The following MAST4 variants were observed in gnomAD, a reference collection of about 807,000 sequenced individuals.
MAST4 encodes the protein microtubule associated serine/threonine kinase family member 4, also known as microtubule-associated serine/threonine-protein kinase 4.
A neutral mutation model predicts 162.7 loss-of-function variants in MAST4; 89 were observed. That is an observed-to-expected ratio of 0.55 (90% CI 0.46 to 0.65). The LOEUF (loss-of-function observed/expected upper bound fraction) is 0.65, where lower values mean the gene tolerates loss of function less well. MAST4 is among the 30% of genes least tolerant of loss of function. The pLI, the probability that MAST4 is intolerant of heterozygous loss-of-function variation, is 0.00. For missense variants in MAST4, 3,153 were observed against 3,374.0 expected (o/e 0.93, Z 1.62); for synonymous variants, 1,479 against 1,361.1 (o/e 1.09, Z -1.91).
At chr5:67,050,282 TTCAG>T (rs1288742171) in intron 4 of MAST4, among the ~76,000 whole-genome samples, 1 of 152,190 alleles carries the variant, frequency 6.6e-6, no homozygotes, top group Non-Finnish European at 1.5e-5. Context: ...TGGTGCCTCT[TTCAG>T]TCCTCATTTC....
At chr5:66,808,357 G>A (rs1165165871) in intron 3 of MAST4, among the ~76,000 whole-genome samples, 7 of 152,170 alleles carry the variant, frequency 4.6e-5, no homozygotes, top group Admixed American at 2.6e-4. Context: ...TCTGGCTTGC[G>A]AAGCTCTGTT....
rs1752484266 is a variant in MAST4, at chr5:67,009,974, C to T, written c.675-44430C>T. 5.3e-5 allele frequency among the ~76,000 whole-genome samples: 8 copies of T among 152,214 alleles called. No individual in the cohort carries two copies. The South Asian group carries it at 1.7e-3, about 32-fold the overall frequency. On this transcript the variant is annotated intron_variant, in intron 4 of 28. Transcript: ENST00000403625. ...GAGAAGAAGAAATATTCCATGATGGCCCTGGGGTTTTTGACTCCAGGAACC... is the reference window on the plus strand; with the variant it reads ...GAGAAGAAGAAATATTCCATGATGGTCCTGGGGTTTTTGACTCCAGGAACC...
intron 15 of MAST4, 45 bp downstream of exon 15, chr5:67,130,463 G>A: frequency 6.3e-7 from 1 of 1,589,542 alleles, no homozygotes; most frequent in Non-Finnish European, 8.6e-7. Flanking sequence ...GGAATCCCTT[G>A]CTCATTTGTG....
chr5:66,823,693 A>G (rs1757103115), intron 3 of MAST4, among the ~76,000 whole-genome samples: 1 of 151,994 alleles, frequency 6.6e-6, no homozygotes, highest in Admixed American at 6.6e-5. Flanking sequence ...TTGGTCTCCA[A>G]CCAACATGTT....
intron 14 of MAST4, among the ~76,000 whole-genome samples, chr5:67,125,574 A>G (rs1388789829): frequency 1.3e-5 from 2 of 152,118 alleles, no homozygotes; most frequent in Non-Finnish European, 2.9e-5. Context: ...CCTGTAAAGG[A>G]CGTGAACTCA....
intron 15 of MAST4, among the ~76,000 whole-genome samples, chr5:67,130,870 C>CT (rs1561694740): frequency 6.6e-6 from 1 of 151,904 alleles, no homozygotes; most frequent in African/African-American, 2.4e-5. Flanking sequence ...CGATTTTTAG[C>CT]TTTTTTTTCT....
Position 67,145,260 on chromosome 5 carries a change from C to G in MAST4, c.2975C>G (p.Ser992Cys). 6.2e-7 allele frequency: 1 copy of G among 1,613,954 alleles called. No individual in the cohort carries two copies. The highest frequency in any genetic ancestry group is 8.5e-7 in the Non-Finnish European group (1 of 1,179,878). Reference sequence around the variant, plus strand: ...GAGGGAGAGCAAGATGAAGCTGCCTCCTGCCCTGGAGACCCCCATGAGGAG... The same window carrying G: ...GAGGGAGAGCAAGATGAAGCTGCCTGCTGCCCTGGAGACCCCCATGAGGAG... ...STEGEQDEAA[S>C]CPGDPHEEPG... is the part of the protein sequence containing the mutation. The change falls in exon 23 of 29, where the codon TCC becomes TGC. Residue 992 changes from serine (S) to cysteine (C), a missense_variant. Ser to Cys is a moderately radical substitution (Grantham distance 112). This residue lies in a region of MAST4 where 619 missense variants were observed against 744.2 expected (regional missense o/e 0.83). Transcript: ENST00000403625.
At chr5:66,700,044 C>T (rs1052490199) in intron 1 of MAST4, among the ~76,000 whole-genome samples, 35 of 134,870 alleles carry the variant, frequency 2.6e-4, no homozygotes, top group East Asian at 2.4e-4. Flanking sequence ...TTGCTATTAC[C>T]GACATTTTTG....
chr5:66,948,546 T>C (rs1297483080), intron 4 of MAST4, among the ~76,000 whole-genome samples: 1 of 152,134 alleles, frequency 6.6e-6, no homozygotes, highest in East Asian at 1.9e-4. Flanking sequence ...TCAGGGCAGC[T>C]TGCACCATTC....
At chr5:66,884,401 G>A (rs1275108786) in intron 3 of MAST4, among the ~76,000 whole-genome samples, 2 of 152,236 alleles carry the variant, frequency 1.3e-5, no homozygotes, top group East Asian at 3.9e-4. Context: ...ACACTCTTTG[G>A]GGAAATGTTG....
rs990589825 is a variant in MAST4 at position 67,130,226 on chromosome 5, C to T, written c.1762C>T (p.Arg588Trp). 8 of 1,612,212 alleles carry T rather than the reference C, an allele frequency of 5.0e-6. No homozygotes were observed. Among genetic ancestry groups the T allele is most frequent in the African/African-American group, 2.7e-5 (2 of 74,870 alleles). The change falls in exon 15 of 29, where the codon CGG becomes TGG. Residue 588 changes from arginine (R) to tryptophan (W), a missense_variant. Arg to Trp is a moderately radical substitution (Grantham distance 101). Transcript: ENST00000403625. ...CCTTTTCAGGGCAGTCTACTTTGTTCGGCATAAAGAATCCCGGCAGAGGTT... is the reference window on the plus strand; with the variant it reads ...CCTTTTCAGGGCAGTCTACTTTGTTTGGCATAAAGAATCCCGGCAGAGGTT... ...NGAYGAVYFV[R>W]HKESRQRFAM...
At chr5:66,712,375 TC>T (rs1445797621) in intron 1 of MAST4, among the ~76,000 whole-genome samples, 7 of 152,220 alleles carry the variant, frequency 4.6e-5, no homozygotes, top group African/African-American at 1.7e-4. Context: ...GCAGTTTTGT[TC>T]CAGAATTACA....
At chr5:66,642,590 G>A (rs1021643033) in intron 1 of MAST4, among the ~76,000 whole-genome samples, 7 of 152,266 alleles carry the variant, frequency 4.6e-5, no homozygotes, top group Admixed American at 4.6e-4. Flanking sequence ...AAGGACAGAG[G>A]AAACAAGAAT....
intron 5 of MAST4, among the ~76,000 whole-genome samples, chr5:67,073,199 A>G (rs1761184636): frequency 6.6e-6 from 1 of 151,786 alleles, no homozygotes; most frequent in Admixed American, 6.6e-5. Context: ...GCACTGTGCC[A>G]GAGCAGGTCC....
intron 3 of MAST4, among the ~76,000 whole-genome samples, chr5:66,825,284 A>G (rs925808252): frequency 8.7e-5 from 10 of 115,064 alleles, no homozygotes; most frequent in African/African-American, 3.2e-4. Flanking sequence ...ACACACACAC[A>G]CACACACACA....
chr5:66,627,645 TCTAAC>T (rs1744523928), intron 1 of MAST4, among the ~76,000 whole-genome samples: 1 of 152,144 alleles, frequency 6.6e-6, no homozygotes, highest in Admixed American at 6.5e-5. Context: ...CCATCTTTCT[TCTAAC>T]CATTTATCAT....
In MAST4 at chr5:66,735,817, A is replaced by AAC. The variant is rs147452234; in HGVS notation, c.364-23890_364-23889dup. Among the ~76,000 whole-genome samples, 1,186 of 152,338 alleles carry AAC rather than the reference A, an allele frequency of 7.8e-3. 20 individuals carry two copies. The highest frequency in any genetic ancestry group is 0.026 in the African/African-American group (1,090 of 41,578). On this transcript the variant is annotated intron_variant, in intron 1 of 28. Transcript: ENST00000403625. ...ACCCCCATTTGTGGTGTAATGTCAT[A>AAC]ACAGAGTAATTACTCGAGAAATGCT...
intron 5 of MAST4, 116 bp from the exon 6 acceptor site, chr5:67,090,046 G>T: frequency 5.6e-4 from 364 of 646,040 alleles, no homozygotes; most frequent in East Asian, 1.1e-3. Context: ...AAGCATTATT[G>T]GAGGAAAGGA....
chr5:66,937,564 C>G (rs1314263355), intron 4 of MAST4, among the ~76,000 whole-genome samples: 1 of 152,150 alleles, frequency 6.6e-6, no homozygotes, highest in African/African-American at 2.4e-5. Flanking sequence ...TCTGTATTTT[C>G]TTTAGCCATT....
Sources: allele counts gnomAD v4.1 joint callset (sites outside exome capture counted in the v4.1 genomes callset), GRCh38; gene constraint gnomAD v4.1.1; regional missense constraint gnomAD v4.1.1; transcripts MANE v1.5; gene names NCBI Gene and HGNC (gene_info 2026-07-23, HGNC 2026-07-21).